The following ADAM12 variants were observed in gnomAD, a reference collection of about 807,000 sequenced individuals.
ADAM12 encodes the protein ADAM metallopeptidase domain 12, also known as disintegrin and metalloproteinase domain-containing protein 12.
A neutral mutation model predicts 106.4 loss-of-function variants in ADAM12; 70 were observed. That is an observed-to-expected ratio of 0.66 (90% CI 0.54 to 0.80). The LOEUF is 0.80. Among genes scored for constraint, ADAM12 ranks in the 30% least tolerant of loss-of-function variants. ADAM12 has a pLI of 0.00. For synonymous variants in ADAM12, 420 were observed against 433.5 expected, an observed-to-expected ratio of 0.97 and a Z score of 0.39; for missense variants, 1,010 against 1,171.9, an observed-to-expected ratio of 0.86 and a Z score of 2.02.
At chr10:126,363,178 A>G (rs1393863760) in intron 1 of ADAM12, among the ~76,000 whole-genome samples, 1 of 152,234 alleles carries the variant, frequency 6.6e-6, no homozygotes, top group Non-Finnish European at 1.5e-5. Flanking sequence ...ACATGGGGAC[A>G]ATAAATGATT....
Position 126,223,830 on chromosome 10 carries a change from T to C in ADAM12, c.260+55085A>G, listed in dbSNP as rs575817197. Among the ~76,000 whole-genome samples, 4 of 152,260 alleles carry C rather than the reference T, an allele frequency of 2.6e-5. No homozygotes were observed. In the South Asian group the frequency reaches 8.3e-4, roughly 32 times the overall value. On this transcript the variant is annotated intron_variant, in intron 3 of 22. Transcript: ENST00000448723. ...GGGAAAGCTGTGCATTGGGCATGAG[T>C]GCTTTCATGCCTGGACCTGTGCTTT... is the stretch of plus-strand genomic sequence containing the variant.
At chr10:126,239,130 T>C (rs897964387) in intron 3 of ADAM12, among the ~76,000 whole-genome samples, 1 of 152,184 alleles carries the variant, frequency 6.6e-6, no homozygotes, top group Admixed American at 6.5e-5. Context: ...GAGAACCACT[T>C]CCAGCAATAA....
At chr10:126,253,166 G>GAA (rs1157317571) in intron 3 of ADAM12, among the ~76,000 whole-genome samples, 1 of 152,030 alleles carries the variant, frequency 6.6e-6, no homozygotes, top group African/African-American at 2.4e-5. Context: ...ACCCTTCCCT[G>GAA]AACCTCTCCC....
chr10:126,358,107 G>T (rs1282986827), intron 1 of ADAM12, among the ~76,000 whole-genome samples: 1 of 151,642 alleles, frequency 6.6e-6, no homozygotes. Context: ...GAACCCCGGG[G>T]GGTGGAACCT....
At chr10:126,070,500 G>A (rs1160144880) in intron 12 of ADAM12, 1 of 152,208 alleles carries the variant, frequency 6.6e-6, no homozygotes. Flanking sequence ...CCAGTTGTTT[G>A]TGTGATGAAC....
At chr10:126,339,284 C>T (rs1854833877) in intron 1 of ADAM12, among the ~76,000 whole-genome samples, 1 of 152,162 alleles carries the variant, frequency 6.6e-6, no homozygotes, top group Non-Finnish European at 1.5e-5. Flanking sequence ...GTCTTGTCAC[C>T]ATCACCACCT....
Position 126,039,336 on chromosome 10 carries a change from C to G in ADAM12, c.2198G>C (p.Arg733Pro). Residue 733 changes from arginine to proline, a missense_variant, in exon 19 of 23, where the codon CGA becomes CCA. By Grantham distance (103) the Arg-to-Pro change is moderately radical. Coordinates refer to ENST00000448723, the MANE Select transcript of ADAM12 (RefSeq NM_001288973.2). ...GGTCTTCTTATTTGTAAACAGCAGTCGTATCAAGGTCTTCCTTTTGAGATA... is the reference window on the plus strand; with the variant it reads ...GGTCTTCTTATTTGTAAACAGCAGTGGTATCAAGGTCTTCCTTTTGAGATA... The part of the protein sequence containing the change: ...VVYLKRKTLI[R>P]LLFTNKKTTI... The G allele has an allele frequency of 1.2e-6, 2 of 1,613,992 alleles. No homozygotes were observed. The highest frequency in any genetic ancestry group is 1.7e-6 in the Non-Finnish European group (2 of 1,179,958).
At chr10:126,024,851 C>CA (rs11392876) in intron 21 of ADAM12, among the ~76,000 whole-genome samples, 85,193 of 146,016 alleles carry the variant, frequency 0.58, 25,671 homozygotes, top group Non-Finnish European at 0.68. Flanking sequence ...ACATGGAGAA[C>CA]AAAAAAAAAA....
intron 3 of ADAM12, among the ~76,000 whole-genome samples, chr10:126,196,671 T>A (rs1216251303): frequency 6.6e-6 from 1 of 152,254 alleles, no homozygotes; most frequent in South Asian, 2.1e-4. Context: ...CTCAAATAAC[T>A]ACAATACATA....
At chr10:126,206,477 T>C (rs1040243187) in intron 3 of ADAM12, among the ~76,000 whole-genome samples, 4 of 152,150 alleles carry the variant, frequency 2.6e-5, no homozygotes, top group Non-Finnish European at 5.9e-5. Context: ...ATTAAGTTAA[T>C]CATAATATCC....
At chr10:126,175,644 T>C (rs1246981178) in intron 3 of ADAM12, among the ~76,000 whole-genome samples, 2 of 152,218 alleles carry the variant, frequency 1.3e-5, no homozygotes, top group Admixed American at 1.3e-4. Flanking sequence ...AGTCGTTTCA[T>C]TCGAGTGGCG....
intron 6 of ADAM12, among the ~76,000 whole-genome samples, chr10:126,114,319 C>T (rs571627990): frequency 6.6e-6 from 1 of 152,222 alleles, no homozygotes; most frequent in East Asian, 1.9e-4. Context: ...AAACGAATGG[C>T]ACAAGTGAGA....
intron 11 of ADAM12, among the ~76,000 whole-genome samples, chr10:126,082,518 A>G (rs1263122238): frequency 6.6e-6 from 1 of 151,654 alleles, no homozygotes; most frequent in Non-Finnish European, 1.5e-5. Flanking sequence ...ACAGGTGCAC[A>G]CCACCATGCC....
chr10:126,168,412 G>C (rs1213570374), intron 3 of ADAM12, among the ~76,000 whole-genome samples: 1 of 152,188 alleles, frequency 6.6e-6, no homozygotes, highest in Non-Finnish European at 1.5e-5. Flanking sequence ...AAATGAGAAT[G>C]ATAGTGCCTG....
intron 1 of ADAM12, among the ~76,000 whole-genome samples, chr10:126,371,801 C>T (rs1856120790): frequency 6.6e-6 from 1 of 152,178 alleles, no homozygotes. Flanking sequence ...CTACGCTTAT[C>T]CTCCCTCCCA....
chr10:126,037,429 C>G (rs920292390), intron 20 of ADAM12, among the ~76,000 whole-genome samples: 1 of 152,184 alleles, frequency 6.6e-6, no homozygotes. Context: ...TGGCAGCCTC[C>G]TCCTTGGAGC....
chr10:126,085,039 GA>G (rs1231040507), intron 11 of ADAM12, among the ~76,000 whole-genome samples: 1 of 152,198 alleles, frequency 6.6e-6, no homozygotes, highest in Non-Finnish European at 1.5e-5. Flanking sequence ...ACTGCTTTTA[GA>G]TTTGATATTT....
intron 11 of ADAM12, among the ~76,000 whole-genome samples, chr10:126,093,396 C>G (rs921937080): frequency 3.3e-5 from 5 of 152,184 alleles, no homozygotes; most frequent in Non-Finnish European, 4.4e-5. Context: ...AAATAAGGAA[C>G]AGCATTGTAA....
Position 126,015,957 on chromosome 10 carries a change from C to T in ADAM12, c.*1322G>A, listed in dbSNP as rs1023536391. On this transcript the variant is annotated 3_prime_UTR_variant, in exon 23 of 23. Transcript: ENST00000448723. ...GAGTTCAAGGGGATGCTGCCCAAGCCAGCATCTCATAATATTTAGGAAGTT... is the reference window on the plus strand; with the variant it reads ...GAGTTCAAGGGGATGCTGCCCAAGCTAGCATCTCATAATATTTAGGAAGTT... The T allele has an allele frequency of 6.6e-6, 1 of 152,120 alleles. No individual in the cohort carries two copies. The highest frequency in any genetic ancestry group is 1.5e-5 in the Non-Finnish European group (1 of 68,042). The allele number at this position is 152,120 out of a possible 1,614,324, so 9.4% of individuals were successfully genotyped here.
Sources: allele counts gnomAD v4.1 joint callset (sites outside exome capture counted in the v4.1 genomes callset), GRCh38; gene constraint gnomAD v4.1.1; transcripts MANE v1.5; gene names NCBI Gene and HGNC (gene_info 2026-07-23, HGNC 2026-07-21).